The following NEGR1 variants were observed in gnomAD, a reference collection of about 807,000 sequenced individuals.
NEGR1 encodes the protein neuronal growth regulator 1.
A neutral mutation model predicts 40.9 loss-of-function variants in NEGR1; 10 were observed. The observed-to-expected ratio is 0.24, with a 90% CI of 0.15 to 0.42. NEGR1 has a LOEUF of 0.42. Among genes scored for constraint, NEGR1 ranks in the 10% least tolerant of loss-of-function variants. The probability of loss-of-function intolerance (pLI) is 1.00; values close to 1 mark genes in which losing one functional copy is unlikely to be tolerated. For synonymous variants in NEGR1, 185 were observed against 166.8 expected, an observed-to-expected ratio of 1.11 and a Z score of -0.84; for missense variants, 352 against 438.9, an observed-to-expected ratio of 0.80 and a Z score of 1.77.
chr1:72,114,167 A>ATT (rs201279247), intron 1 of NEGR1, among the ~76,000 whole-genome samples: 1 of 150,744 alleles, frequency 6.6e-6, no homozygotes, highest in African/African-American at 2.4e-5. Flanking sequence ...CTCTGAGGGT[A>ATT]TTTTTTTTTA....
intron 1 of NEGR1, among the ~76,000 whole-genome samples, chr1:72,087,178 G>A (rs1648254420): frequency 6.6e-6 from 1 of 152,096 alleles, no homozygotes; most frequent in Non-Finnish European, 1.5e-5. Context: ...CCAGCACTTT[G>A]GGAGGCTGAG....
intron 6 of NEGR1, among the ~76,000 whole-genome samples, chr1:71,494,546 A>T (rs1270742677): frequency 1.3e-5 from 2 of 152,174 alleles, no homozygotes; most frequent in African/African-American, 4.8e-5. Context: ...TGACTATAAT[A>T]GTTTTCAATG....
intron 1 of NEGR1, among the ~76,000 whole-genome samples, chr1:72,106,497 A>G (rs776707153): frequency 6.6e-6 from 1 of 151,984 alleles, no homozygotes; most frequent in Non-Finnish European, 1.5e-5. Context: ...TAAATTTCAG[A>G]TATCAATTTT....
chr1:71,960,796 G>A (rs545799992), intron 1 of NEGR1, among the ~76,000 whole-genome samples: 1 of 152,128 alleles, frequency 6.6e-6, no homozygotes, highest in Non-Finnish European at 1.5e-5. Flanking sequence ...TCATTGCTTA[G>A]GTCATAGTAG....
chr1:71,740,301 C>T (rs1299272758), intron 3 of NEGR1, among the ~76,000 whole-genome samples: 1 of 152,114 alleles, frequency 6.6e-6, no homozygotes, highest in African/African-American at 2.4e-5. Context: ...AATTACTACT[C>T]CATTATTGCA....
chr1:71,766,412 T>G (rs141119659), intron 3 of NEGR1, among the ~76,000 whole-genome samples: 60 of 152,302 alleles, frequency 3.9e-4, no homozygotes, highest in African/African-American at 1.3e-3. Flanking sequence ...AGTAATGCCT[T>G]ATCAAAACAT....
At chr1:72,280,626 A>G (rs1177791683) in intron 1 of NEGR1, among the ~76,000 whole-genome samples, 1 of 152,234 alleles carries the variant, frequency 6.6e-6, no homozygotes, top group Non-Finnish European at 1.5e-5. Context: ...CAAAGATATT[A>G]GTTACTTTTG....
intron 1 of NEGR1, among the ~76,000 whole-genome samples, chr1:72,127,814 A>G (rs1213973937): frequency 6.6e-6 from 1 of 152,188 alleles, no homozygotes; most frequent in African/African-American, 2.4e-5. Context: ...GTATCTTCAT[A>G]TACAACTATT....
rs1259863067 is a variant in NEGR1 at position 71,405,368 on chromosome 1, C to G, written c.*2078G>C. On this transcript the variant is annotated 3_prime_UTR_variant, in exon 7 of 7. Coordinates refer to ENST00000357731, the MANE Select transcript of NEGR1 (RefSeq NM_173808.3). ...ATTTTTTGTGGTAGCACCACTATTT[C>G]TAGTAAGTAGATTATTATGGAGTGT... is the stretch of plus-strand genomic sequence containing the variant. 6.6e-6 allele frequency: 1 copy of G among 152,100 alleles called. No homozygotes were observed. Among genetic ancestry groups the G allele is most frequent in the Non-Finnish European group, 1.5e-5 (1 of 67,740 alleles). The allele number at this position is 152,100 out of a possible 1,614,324, so 9.4% of individuals were successfully genotyped here. A position where few individuals can be genotyped will look rare whatever the true frequency, so the allele number is the denominator to read the frequency against.
chr1:72,209,666 T>C (rs1405777736), intron 1 of NEGR1, among the ~76,000 whole-genome samples: 1 of 151,892 alleles, frequency 6.6e-6, no homozygotes, highest in Admixed American at 6.6e-5. Context: ...TTAAAAATCT[T>C]AAAAATATGG....
At chr1:72,248,794 G>A (rs930106115) in intron 1 of NEGR1, among the ~76,000 whole-genome samples, 2 of 151,636 alleles carry the variant, frequency 1.3e-5, no homozygotes, top group African/African-American at 2.4e-5. Context: ...TGTTGGCCAG[G>A]CTGGTCTTGA....
chr1:72,203,637 G>A (rs550497477), intron 1 of NEGR1, among the ~76,000 whole-genome samples: 2 of 152,194 alleles, frequency 1.3e-5, no homozygotes, highest in African/African-American at 4.8e-5. Flanking sequence ...TGACTCCAAT[G>A]GTGAAGAAAT....
At chr1:71,783,082 T>A (rs556455775) in intron 2 of NEGR1, among the ~76,000 whole-genome samples, 2 of 152,264 alleles carry the variant, frequency 1.3e-5, no homozygotes, top group Middle Eastern at 3.4e-3. Context: ...TTCTACTGTT[T>A]TTTTCCTCCA....
chr1:71,412,011 G>A (rs1400296632), intron 6 of NEGR1, among the ~76,000 whole-genome samples: 2 of 151,618 alleles, frequency 1.3e-5, no homozygotes, highest in East Asian at 3.9e-4. Context: ...AAAAAAAAAA[G>A]TAAAGCCTAT....
intron 1 of NEGR1, among the ~76,000 whole-genome samples, chr1:72,082,960 A>G (rs1648065405): frequency 1.3e-5 from 2 of 152,118 alleles, no homozygotes; most frequent in African/African-American, 4.8e-5. Context: ...ATGTCTTACC[A>G]TTGTTATAAG....
chr1:72,260,210 T>C (rs78647120), intron 1 of NEGR1, among the ~76,000 whole-genome samples: 153 of 152,136 alleles, frequency 1.0e-3, no homozygotes, highest in African/African-American at 3.5e-3. Context: ...GACTTTGAAA[T>C]CTGTGAACTT....
chr1:71,459,430 CA>C (rs1180750804), intron 6 of NEGR1, among the ~76,000 whole-genome samples: 1 of 152,202 alleles, frequency 6.6e-6, no homozygotes, highest in African/African-American at 2.4e-5. Context: ...GTCACTTCCA[CA>C]CTTAATAGAC....
At position 71,746,755 on chromosome 1, in the gene NEGR1, C is replaced by T. The variant is rs550325638; in HGVS notation, c.535+29417G>A. On this transcript the variant is annotated intron_variant, in intron 3 of 6. Coordinates refer to ENST00000357731, the MANE Select transcript of NEGR1 (RefSeq NM_173808.3). ...ATACACACACATGTACACACACACA[C>T]GCGTACACACACACACGCACACACA... 3.3e-4 allele frequency among the ~76,000 whole-genome samples: 50 copies of T among 149,482 alleles called. No homozygotes were observed. The Middle Eastern group carries it at 0.01, about 31-fold the overall frequency.
At chr1:71,704,019 C>A (rs955943221) in intron 3 of NEGR1, among the ~76,000 whole-genome samples, 2 of 151,512 alleles carry the variant, frequency 1.3e-5, no homozygotes, top group African/African-American at 4.8e-5. Flanking sequence ...TTGCTAAAAA[C>A]CAGAGGAAAA....
Sources: allele counts gnomAD v4.1 joint callset (sites outside exome capture counted in the v4.1 genomes callset), GRCh38; gene constraint gnomAD v4.1.1; transcripts MANE v1.5; gene names NCBI Gene and HGNC (gene_info 2026-07-23, HGNC 2026-07-21).